CLEC17A: variants seen among roughly 807,000 people sequenced by gnomAD.
CLEC17A encodes C-type lectin domain family 17, member A.
In CLEC17A, 37 loss-of-function variants were observed where a neutral mutation model predicts 61.3. That is an observed-to-expected ratio of 0.60 (90% confidence interval 0.46 to 0.79). The LOEUF is 0.79. Among genes scored for constraint, CLEC17A ranks in the 30% least tolerant of loss-of-function variants. CLEC17A has a pLI of 0.00. For missense variants in CLEC17A, 418 were observed against 464.7 expected, an observed-to-expected ratio of 0.90 and a Z score of 0.92; for synonymous variants, 168 against 164.9, an observed-to-expected ratio of 1.02 and a Z score of -0.14.
At chr19:14,607,405 G>C (rs370287142) in intron 13 of CLEC17A, among the ~76,000 whole-genome samples, 5 of 151,336 alleles carry the variant, frequency 3.3e-5, no homozygotes, top group African/African-American at 1.2e-4. Context: ...GGGTTTCACC[G>C]TGTTAGCCAG....
chr19:14,606,169 CA>C (rs143028914), intron 12 of CLEC17A, among the ~76,000 whole-genome samples: 1 of 150,804 alleles, frequency 6.6e-6, no homozygotes, highest in African/African-American at 2.4e-5. Context: ...CAAGAGAAAC[CA>C]AAAAAAATCA....
In CLEC17A at chr19:14,583,105, A is replaced by G; in HGVS notation, c.-56A>G. 6.3e-7 allele frequency: 1 copy of G among 1,597,338 alleles called. No individual in the cohort carries two copies. Among genetic ancestry groups the G allele is most frequent in the South Asian group, 1.1e-5 (1 of 90,404 alleles). The stretch of plus-strand genomic sequence containing the variant: ...CCCCAGACGCCTGAGTCGGAGAGAC[A>G]GGGGGCAGAGGTTGCCAAGCCCTGG... On this transcript the variant is annotated 5_prime_UTR_variant, in exon 1 of 14. Transcript: ENST00000417570.
Position 14,594,807 on chromosome 19 carries a change from A to G in CLEC17A, c.403+7A>G. On this transcript the variant is annotated splice_region_variant and intron_variant, in intron 7 of 13. Coordinates refer to ENST00000417570, the MANE Select transcript of CLEC17A (RefSeq NM_001204118.2). ...TGTCCACCTCCTCAACTGGGTGAGC[A>G]GTGGGAAGACCCTTTAAGATGCCTA... 1.2e-6 allele frequency: 2 copies of G among 1,613,342 alleles called. No individual in the cohort carries two copies. Among genetic ancestry groups the G allele is most frequent in the South Asian group, 1.1e-5 (1 of 91,036 alleles).
rs373130393 is a variant in CLEC17A at position 14,607,495 on chromosome 19, G to A, written c.1004+393G>A. ...TGGGATTACAGGCGTGAGCCACCGCGCCCGGCCAGGAGCTGGTTTTTACTG... is the reference window on the plus strand; with the variant it reads ...TGGGATTACAGGCGTGAGCCACCGCACCCGGCCAGGAGCTGGTTTTTACTG... On this transcript the variant is annotated intron_variant, in intron 13 of 13. Transcript: ENST00000417570. Among the ~76,000 whole-genome samples the A allele has an allele frequency of 3.7e-4, 56 of 151,616 alleles. No individual in the cohort carries two copies. The East Asian group carries it at 5.0e-3, about 14-fold the overall frequency.
intron 12 of CLEC17A, among the ~76,000 whole-genome samples, chr19:14,605,127 G>A (rs1055472373): frequency 1.3e-5 from 2 of 150,494 alleles, no homozygotes; most frequent in African/African-American, 4.9e-5. Context: ...ACGGGATTTC[G>A]CTTTTTGTTG....
intron 3 of CLEC17A, among the ~76,000 whole-genome samples, chr19:14,591,898 A>ATGTGTGTGTGTGTGTGTGTGTGTG (rs747656450): frequency 1.7e-4 from 24 of 138,946 alleles, no homozygotes; most frequent in African/African-American, 6.7e-4. Context: ...CCGGAGAAAA[A>ATGTGTGTGTGTGTGTGTGTGTGTG]TGTGTGTGTG....
chr19:14,595,335 C>G lies in CLEC17A; in HGVS notation c.445+20C>G. On this transcript the variant is annotated intron_variant, in intron 8 of 13. Coordinates refer to ENST00000417570, the MANE Select transcript of CLEC17A (RefSeq NM_001204118.2). ...TGGCCGGTAAGTGTCCTCCCATTTC[C>G]CCTCTGACAGTGGCTAGTGTATCTG... The G allele has an allele frequency of 6.2e-7, 1 of 1,613,608 alleles. No individual in the cohort carries two copies.
At chr19:14,582,997 G>A, upstream of CLEC17A, 4 of 648,314 alleles carry the variant, frequency 6.2e-6, no homozygotes, top group Non-Finnish European at 1.1e-5. Context: ...GTGTTTGTGT[G>A]AGCACGTGTG....
intron 4 of CLEC17A, among the ~76,000 whole-genome samples, chr19:14,592,792 T>A (rs1599543532): frequency 1.3e-5 from 2 of 152,096 alleles, no homozygotes; most frequent in African/African-American, 4.8e-5. Flanking sequence ...AGCCTCCCGA[T>A]TAGCTGGGAT....
In CLEC17A at chr19:14,611,371, C is replaced by CTTTTTTTTT. The variant is rs71166767; in HGVS notation, c.*1191_*1199dup. Among the ~76,000 whole-genome samples the CTTTTTTTTT allele has an allele frequency of 9.2e-5, 7 of 75,958 alleles. No individual in the cohort carries two copies. The highest frequency in any genetic ancestry group is 3.4e-4 in the African/African-American group (7 of 20,584). The allele number at this position is 75,958 out of a possible 152,430, so 49.8% of individuals were successfully genotyped here. On this transcript the variant is annotated 3_prime_UTR_variant, in exon 14 of 14. Coordinates refer to ENST00000417570, the MANE Select transcript of CLEC17A (RefSeq NM_001204118.2). ...AGACTTGGCCCGTGGAACTTCTATC[C>CTTTTTTTTT]TTTTTTTTTTTTTTTTTTTTTTTTG...
At position 14,599,904 on chromosome 19, in the gene CLEC17A, T is replaced by C; in HGVS notation, c.742+92T>C. 1.6e-5 allele frequency: 24 copies of C among 1,481,842 alleles called. No individual in the cohort carries two copies. The South Asian group carries it at 3.0e-4, about 19-fold the overall frequency. The allele number at this position is 1,481,842 out of a possible 1,614,324, so 91.8% of individuals were successfully genotyped here. On this transcript the variant is annotated intron_variant, in intron 11 of 13. Coordinates refer to ENST00000417570, the MANE Select transcript of CLEC17A (RefSeq NM_001204118.2). ...CATTGAAGTCATTCTCAGTGCAGTCTATGTGAATGGTGCCCCTCCCCCTCA... is the reference window on the plus strand; with the variant it reads ...CATTGAAGTCATTCTCAGTGCAGTCCATGTGAATGGTGCCCCTCCCCCTCA...
In CLEC17A at chr19:14,596,897, A is replaced by G. The variant is rs890108053; in HGVS notation, c.467A>G (p.Asn156Ser). ...CCAGCAACTCCAGTCCCCTGGCTCA[A>G]TCAGAGGTCTGGAGGTCCTGGCTGC... ...SLAATPVPWL[N>S]QRSGGPGCCQ... is the part of the protein sequence containing the mutation. The change falls in exon 9 of 14, where the codon AAT (asparagine) becomes AGT (serine). Residue 156 changes from asparagine to serine, a missense_variant. Coordinates refer to ENST00000417570, the MANE Select transcript of CLEC17A (RefSeq NM_001204118.2). 11 of 1,609,002 alleles carry G rather than the reference A, an allele frequency of 6.8e-6. No individual in the cohort carries two copies. In the Admixed American group the frequency reaches 1.5e-4, roughly 22 times the overall value.
At chr19:14,601,240 C>T (rs1568459174) in intron 12 of CLEC17A, among the ~76,000 whole-genome samples, 1 of 152,082 alleles carries the variant, frequency 6.6e-6, no homozygotes, top group Non-Finnish European at 1.5e-5. Flanking sequence ...CAGACAGTCT[C>T]CATAGTCCAA....
intron 2 of CLEC17A, among the ~76,000 whole-genome samples, chr19:14,586,416 G>A (rs1478952204): frequency 2.0e-5 from 3 of 151,860 alleles, no homozygotes; most frequent in Non-Finnish European, 1.5e-5. Flanking sequence ...GAGCCACCAC[G>A]CCCAGCCTCT....
In CLEC17A at chr19:14,610,530, T is replaced by C. The variant is rs1467520624; in HGVS notation, c.*334T>C. ...AGCCCTGAGGACCCTGGGGCTGGTG[T>C]TGAACCTGGGATGAAATATCCTGGC... On this transcript the variant is annotated 3_prime_UTR_variant, in exon 14 of 14. Transcript: ENST00000417570. 1 of 241,650 alleles carries C rather than the reference T, an allele frequency of 4.1e-6. No individual in the cohort carries two copies. Among genetic ancestry groups the C allele is most frequent in the African/African-American group, 2.2e-5 (1 of 44,804 alleles). The allele number at this position is 241,650 out of a possible 1,614,324, so 15.0% of individuals were successfully genotyped here.
chr19:14,606,831 G>A (rs934657895), intron 12 of CLEC17A, among the ~76,000 whole-genome samples, 162 bp from the exon 13 acceptor site: 1 of 152,164 alleles, frequency 6.6e-6, no homozygotes, highest in Non-Finnish European at 1.5e-5. Flanking sequence ...ATGCTACAGT[G>A]GGAGGAAGAC....
chr19:14,594,914 C>T, intron 7 of CLEC17A, 114 bp downstream of exon 7: 1 of 1,074,820 alleles, frequency 9.3e-7, no homozygotes, highest in Non-Finnish European at 1.4e-6. Context: ...CACTGTCATC[C>T]AGGCTGGAGT....
chr19:14,607,398 T>A (rs1332503773), intron 13 of CLEC17A, among the ~76,000 whole-genome samples: 1 of 151,286 alleles, frequency 6.6e-6, no homozygotes, highest in Non-Finnish European at 1.5e-5. Context: ...AGAGACGGGG[T>A]TTCACCGTGT....
rs2075032521 is a variant in CLEC17A, at chr19:14,611,238, C to T, written c.*1042C>T. On this transcript the variant is annotated 3_prime_UTR_variant, in exon 14 of 14. Transcript: ENST00000417570. ...ACACTGCTTCCTTCCTGGTCTCAAACAGCACAAATAACCCAGAAACCATCA... is the reference window on the plus strand; with the variant it reads ...ACACTGCTTCCTTCCTGGTCTCAAATAGCACAAATAACCCAGAAACCATCA... 6.6e-6 allele frequency: 1 copy of T among 152,114 alleles called. No homozygotes were observed. Among genetic ancestry groups the T allele is most frequent in the Non-Finnish European group, 1.5e-5 (1 of 68,040 alleles). The allele number at this position is 152,114 out of a possible 1,614,324, so 9.4% of individuals were successfully genotyped here. A position where few individuals can be genotyped will look rare whatever the true frequency, so the allele number is the denominator to read the frequency against.
Sources: allele counts gnomAD v4.1 joint callset (sites outside exome capture counted in the v4.1 genomes callset), GRCh38; gene constraint gnomAD v4.1.1; transcripts MANE v1.5; gene names NCBI Gene and HGNC (gene_info 2026-07-23, HGNC 2026-07-21).